Variants in C10orf71 observed in about 807,000 individuals in gnomAD.
C10orf71 encodes cardiac-enriched FHL2-interacting protein.
For missense variants in C10orf71, 1,869 were observed against 1,804.5 expected, an observed-to-expected ratio of 1.04 and a Z score of -0.65; for synonymous variants, 758 against 726.3, an observed-to-expected ratio of 1.04 and a Z score of -0.70.
intron 1 of C10orf71, among the ~76,000 whole-genome samples, chr10:49,308,144 G>A (rs1257779381): frequency 6.6e-6 from 1 of 152,192 alleles, no homozygotes; most frequent in African/African-American, 2.4e-5. Flanking sequence ...GCTACCCCCT[G>A]CTCACATCCA....
chr10:49,326,355 C>T lies in C10orf71; in HGVS notation c.3810C>T (p.Tyr1270=). The T allele has an allele frequency of 1.9e-6, 3 of 1,550,448 alleles. No individual in the cohort carries two copies. Among genetic ancestry groups the T allele is most frequent in the Non-Finnish European group, 2.6e-6 (3 of 1,146,850 alleles). ...AGTCCCTCACACCCCTGCCCGCGTA[C>T]CCCGCCACCCAGAAGGTCCTCCAGG... ...GPQSLTPLPA[Y]PATQKVLQDP... is the part of the protein sequence containing the mutation. Residue 1270 remains tyrosine, a synonymous_variant, in exon 3 of 3, where the codon TAC becomes TAT. Transcript: ENST00000374144.
intron 1 of C10orf71, among the ~76,000 whole-genome samples, chr10:49,314,902 A>G (rs1848973858): frequency 6.6e-6 from 1 of 152,218 alleles, no homozygotes; most frequent in Non-Finnish European, 1.5e-5. Context: ...GCATTACCAC[A>G]AACAGTGACT....
intron 2 of C10orf71, among the ~76,000 whole-genome samples, chr10:49,321,655 T>C (rs1299385467): frequency 2.0e-5 from 3 of 152,252 alleles, no homozygotes; most frequent in African/African-American, 7.2e-5. Flanking sequence ...TACATCAATT[T>C]ACATTTCCAC....
chr10:49,325,412 G>A lies in C10orf71; in HGVS notation c.2867G>A (p.Gly956Glu). ...GAGGCCTCTCAGCCAGCCCCAAAGG[G>A]GAATTTCCCATCTATGCCTCTGGTG... ...RMEASQPAPK[G>E]NFPSMPLVGE... Residue 956 changes from glycine (G) to glutamate (E), a missense_variant, in exon 3 of 3, where the codon GGG (glycine) becomes GAG (glutamate). Transcript: ENST00000374144. 1.3e-6 allele frequency: 2 copies of A among 1,550,226 alleles called. No homozygotes were observed. Among genetic ancestry groups the A allele is most frequent in the Non-Finnish European group, 1.7e-6 (2 of 1,145,854 alleles).
chr10:49,317,879 TA>T (rs1360451586), intron 2 of C10orf71, among the ~76,000 whole-genome samples: 1 of 151,964 alleles, frequency 6.6e-6, no homozygotes, highest in Non-Finnish European at 1.5e-5. Context: ...TAAAAGGTTT[TA>T]AAAAGGAAAA....
chr10:49,298,850 A>C (rs1220568304), upstream of C10orf71: 1 of 152,144 alleles, frequency 6.6e-6, no homozygotes, highest in Non-Finnish European at 1.5e-5. Context: ...CGATGATGAA[A>C]CGGGCTATTT....
intron 1 of C10orf71, among the ~76,000 whole-genome samples, chr10:49,305,082 T>A (rs1333837173): frequency 6.6e-6 from 1 of 152,162 alleles, no homozygotes; most frequent in East Asian, 1.9e-4. Flanking sequence ...GGGTTTCAAG[T>A]TCTTTGCACC....
Position 49,302,548 on chromosome 10 carries a change from G to A in C10orf71, c.-248+3315G>A, listed in dbSNP as rs555774478. On this transcript the variant is annotated intron_variant, in intron 1 of 2. Transcript: ENST00000374144. ...AACCATCCAGCACGGTAGGTCTTGT[G>A]AGCCCCCTCACGGAGGCAGGCGCCG... 3.3e-5 allele frequency among the ~76,000 whole-genome samples: 5 copies of A among 152,316 alleles called. No homozygotes were observed. The South Asian group carries it at 6.2e-4, about 19-fold the overall frequency.
At chr10:49,300,957 C>CA (rs2132394570) in intron 1 of C10orf71, among the ~76,000 whole-genome samples, 1 of 152,292 alleles carries the variant, frequency 6.6e-6, no homozygotes, top group South Asian at 2.1e-4. Flanking sequence ...GATGGCCTTG[C>CA]ATCCTCCCAC....
rs200715939 is a variant in C10orf71 at position 49,323,821 on chromosome 10, G to T, written c.1276G>T (p.Ala426Ser). The T allele has an allele frequency of 1.9e-6, 3 of 1,613,754 alleles. No homozygotes were observed. Among genetic ancestry groups the T allele is most frequent in the Admixed American group, 1.7e-5 (1 of 59,990 alleles). The change falls in exon 3 of 3, where the codon GCT becomes TCT. Residue 426 changes from alanine (A) to serine (S), a missense_variant. By Grantham distance (99) the Ala-to-Ser change is moderately conservative. Transcript: ENST00000374144. ...NPQEQFSENNALDLPVEPNEH... is the reference protein window; with the variant it reads ...NPQEQFSENNSLDLPVEPNEH... ...CCAGGAACAGTTTTCAGAAAACAAT[G>T]CTCTTGACCTGCCTGTGGAACCCAA...
Position 49,326,877 on chromosome 10 carries a change from C to G in C10orf71, c.*24C>G. The G allele has an allele frequency of 6.6e-7, 1 of 1,518,590 alleles. No homozygotes were observed. The highest frequency in any genetic ancestry group is 2.5e-5 in the East Asian group (1 of 40,338). The allele number at this position is 1,518,590 out of a possible 1,614,324, so 94.1% of individuals were successfully genotyped here. ...GAGTTACTGCAGGCTGTCCCCCACC[C>G]CCAGATGAACCCAGAGGAGCTTACT... On this transcript the variant is annotated 3_prime_UTR_variant, in exon 3 of 3. Coordinates refer to ENST00000374144, the MANE Select transcript of C10orf71 (RefSeq NM_001135196.2).
In C10orf71 at chr10:49,324,861, TG is replaced by T. The variant is rs1435050069; in HGVS notation, c.2317del (p.Val773Ter). On this transcript the variant is annotated frameshift_variant, in exon 3 of 3. Transcript: ENST00000374144. LOFTEE classifies it low-confidence loss of function (END_TRUNC). ...GDSQKDEKEN[V>X]MRKDELQYCA... Reference sequence around the variant, plus strand: ...ACAGTCAGAAGGATGAGAAGGAGAATGTGATGCGGAAGGATGAGCTGCAGTA... The same window carrying T: ...ACAGTCAGAAGGATGAGAAGGAGAATTGATGCGGAAGGATGAGCTGCAGTA... 9.7e-6 allele frequency: 15 copies of T among 1,551,680 alleles called. No individual in the cohort carries two copies. Among genetic ancestry groups the T allele is most frequent in the Non-Finnish European group, 1.2e-5 (14 of 1,147,008 alleles).
At chr10:49,298,241 C>T (rs1848667891), upstream of C10orf71, among the ~76,000 whole-genome samples, 1 of 152,224 alleles carries the variant, frequency 6.6e-6, no homozygotes, top group South Asian at 2.1e-4. Context: ...CTTGCAGAGG[C>T]TTTGAGCGCT....
rs772154636 is a variant in C10orf71, at chr10:49,326,956, C to CACACACAT, written c.*109_*110insATACACAC. 38 of 1,587,270 alleles carry CACACACAT rather than the reference C, an allele frequency of 2.4e-5. No homozygotes were observed. The African/African-American group carries it at 3.1e-4, about 13-fold the overall frequency. ...ACACACACACACACACACACACACA[C>CACACACAT]ACACACGATCATCAACACATACTTA... On this transcript the variant is annotated 3_prime_UTR_variant, in exon 3 of 3. Transcript: ENST00000374144.
chr10:49,310,858 T>C (rs1055400679), intron 1 of C10orf71, among the ~76,000 whole-genome samples: 2 of 152,206 alleles, frequency 1.3e-5, no homozygotes, highest in African/African-American at 4.8e-5. Context: ...CCAGTGGAAT[T>C]TGAATTTCAG....
In C10orf71 at chr10:49,319,886, C is replaced by T. The variant is rs193034198; in HGVS notation, c.-144-2516C>T. ...CATTATGCTAGAGAAATAAGCCAGT[C>T]ACAGAAAGATAAATACTGTATGATT... On this transcript the variant is annotated intron_variant, in intron 2 of 2. Transcript: ENST00000374144. 4.8e-3 allele frequency among the ~76,000 whole-genome samples: 737 copies of T among 152,020 alleles called. 7 individuals are homozygous for T. Among genetic ancestry groups the T allele is most frequent in the Admixed American group, 7.8e-3 (119 of 15,288 alleles).
At position 49,327,086 on chromosome 10, in the gene C10orf71, C is replaced by CACGGAGGGGA; in HGVS notation, c.*233_*234insACGGAGGGGA. 6.9e-7 allele frequency: 1 copy of CACGGAGGGGA among 1,452,442 alleles called. No individual in the cohort carries two copies. 90.0% of individuals were successfully genotyped at this position (1,452,442 alleles called of 1,614,324 possible). ...TGATGGAGGGGCACTGCTTGCTTGG[C>CACGGAGGGGA]CCGGTCCCCTCCGTGCCAGTTCCCA... On this transcript the variant is annotated 3_prime_UTR_variant, in exon 3 of 3. Transcript: ENST00000374144.
intron 1 of C10orf71, among the ~76,000 whole-genome samples, chr10:49,313,717 C>T (rs549133986): frequency 1.3e-5 from 2 of 152,172 alleles, no homozygotes; most frequent in African/African-American, 4.8e-5. Flanking sequence ...AGGAGGAAGT[C>T]GAAGGTGACG....
intron 2 of C10orf71, among the ~76,000 whole-genome samples, chr10:49,319,390 A>G (rs912984777): frequency 1.3e-5 from 2 of 152,132 alleles, no homozygotes; most frequent in Non-Finnish European, 1.5e-5. Context: ...GGATGTGGAG[A>G]AACTGGAACA....
Sources: gnomAD v4.1 joint callset for allele counts (sites outside exome capture counted in the v4.1 genomes callset) on GRCh38, gnomAD v4.1.1 for gene constraint, MANE v1.5 for transcripts, NCBI Gene and HGNC (gene_info 2026-07-23, HGNC 2026-07-21) for gene names.